The following RMDN2 variants were observed in gnomAD, a reference collection of about 807,000 sequenced individuals.
RMDN2 encodes regulator of microtubule dynamics protein 2.
Under a neutral mutation model 52.8 loss-of-function variants are expected in RMDN2, and 61 were observed. The observed-to-expected ratio is 1.16, with a 90% confidence interval of 0.94 to 1.43. RMDN2 has a LOEUF of 1.43. Ranked by LOEUF, RMDN2 falls within the 40% of genes most tolerant of loss-of-function variation. RMDN2 has a pLI of 0.00. For missense variants in RMDN2, 592 were observed against 475.3 expected (o/e 1.25, Z -2.28); for synonymous variants, 180 against 153.1 (o/e 1.18, Z -1.30).
intron 10 of RMDN2, among the ~76,000 whole-genome samples, chr2:38,065,591 T>G (rs185444373): frequency 3.3e-5 from 5 of 152,148 alleles, no homozygotes; most frequent in African/African-American, 1.2e-4. Flanking sequence ...TTTCGTGCCT[T>G]GGTTCTTCTC....
intron 1 of RMDN2, among the ~76,000 whole-genome samples, chr2:37,928,268 G>T (rs1572665693): frequency 6.6e-6 from 1 of 152,214 alleles, no homozygotes; most frequent in African/African-American, 2.4e-5. Context: ...TTCAGAAATA[G>T]ATTATGGCTG....
chr2:37,963,928 G>A (rs1455819473), intron 2 of RMDN2, among the ~76,000 whole-genome samples: 17 of 150,758 alleles, frequency 1.1e-4, no homozygotes, highest in Non-Finnish European at 8.9e-5. Context: ...CGGACGGGGC[G>A]GCGGCCAGGC....
intron 2 of RMDN2, chr2:37,951,219 T>C (rs2197561): frequency 0.27 from 411,393 of 1,538,960 alleles, 60,586 homozygotes; most frequent in East Asian, 0.64. Flanking sequence ...ATTTGACCCT[T>C]TTCTCACTCT....
At chr2:38,064,504 A>G (rs1682189570) in intron 10 of RMDN2, among the ~76,000 whole-genome samples, 1 of 152,072 alleles carries the variant, frequency 6.6e-6, no homozygotes. Context: ...AAAAAAAGAA[A>G]GAAAGAAACA....
intron 7 of RMDN2, among the ~76,000 whole-genome samples, chr2:37,993,729 A>G (rs184018474): frequency 1.5e-5 from 2 of 132,224 alleles, no homozygotes; most frequent in Admixed American, 8.3e-5. Context: ...GACTGCCACA[A>G]TATATCTGGG....
chr2:37,987,267 C>T (rs1315058719), intron 5 of RMDN2, among the ~76,000 whole-genome samples: 2 of 151,968 alleles, frequency 1.3e-5, no homozygotes, highest in Admixed American at 1.3e-4. Context: ...AAAGTATGTA[C>T]AAGATCTCTA....
At chr2:38,033,691 G>A (rs1680376339) in intron 10 of RMDN2, among the ~76,000 whole-genome samples, 2 of 152,148 alleles carry the variant, frequency 1.3e-5, no homozygotes, top group Non-Finnish European at 2.9e-5. Context: ...AAGTTGAATT[G>A]AATTTGCAAT....
At chr2:37,954,583 C>T (rs1439056705) in intron 2 of RMDN2, among the ~76,000 whole-genome samples, 5 of 152,064 alleles carry the variant, frequency 3.3e-5, no homozygotes, top group African/African-American at 1.2e-4. Context: ...CACACTGTAC[C>T]ATACTGTTTT....
intron 10 of RMDN2, chr2:38,035,829 C>T (rs1051144250): frequency 6.6e-6 from 1 of 152,080 alleles, no homozygotes; most frequent in African/African-American, 2.4e-5. Flanking sequence ...CACTTACAAG[C>T]AATAGTTCTG....
chr2:37,971,062 T>C (rs1193273481), intron 2 of RMDN2, among the ~76,000 whole-genome samples: 3 of 152,154 alleles, frequency 2.0e-5, no homozygotes, highest in East Asian at 3.9e-4. Flanking sequence ...TTTGATAAAG[T>C]CTAATTTATT....
intron 2 of RMDN2, among the ~76,000 whole-genome samples, chr2:37,970,681 GAGAT>G (rs1251508743): frequency 6.6e-6 from 1 of 152,148 alleles, no homozygotes; most frequent in African/African-American, 2.4e-5. Flanking sequence ...ATTAGAGCAA[GAGAT>G]AGAGAGCAAG....
At chr2:37,968,387 C>T (rs1004878620) in intron 2 of RMDN2, among the ~76,000 whole-genome samples, 6 of 144,790 alleles carry the variant, frequency 4.1e-5, no homozygotes, top group Admixed American at 7.2e-5. Flanking sequence ...AGCAGTGAGC[C>T]GTGATCACAC....
chr2:37,950,676 G>C, intron 2 of RMDN2: 1 of 1,368,088 alleles, frequency 7.3e-7, no homozygotes, highest in Non-Finnish European at 1.0e-6. Flanking sequence ...GCTCTCCTTT[G>C]TTTCCCATAA....
chr2:38,037,522 G>A (rs1356367492), intron 10 of RMDN2, among the ~76,000 whole-genome samples: 1 of 152,232 alleles, frequency 6.6e-6, no homozygotes, highest in African/African-American at 2.4e-5. Context: ...GGAATTTTAT[G>A]AAAGTCCCAG....
intron 1 of RMDN2, among the ~76,000 whole-genome samples, chr2:37,926,858 C>G (rs938046157): frequency 1.3e-5 from 2 of 152,094 alleles, no homozygotes; most frequent in East Asian, 3.9e-4. Flanking sequence ...ATGACTTGAG[C>G]CCAAGTGGTC....
chr2:38,063,334 A>C (rs1037733440), intron 10 of RMDN2, among the ~76,000 whole-genome samples: 1 of 152,100 alleles, frequency 6.6e-6, no homozygotes, highest in Non-Finnish European at 1.5e-5. Context: ...ATGGTATCTC[A>C]TTGTGGTTTT....
At chr2:38,020,106 A>G (rs183402333), downstream of RMDN2, among the ~76,000 whole-genome samples, 3 of 152,302 alleles carry the variant, frequency 2.0e-5, no homozygotes, top group East Asian at 5.8e-4. Context: ...TTCATGGAAG[A>G]CAATTTTTCC....
downstream of RMDN2, among the ~76,000 whole-genome samples, chr2:38,017,895 G>A (rs1371263332): frequency 2.6e-5 from 4 of 152,152 alleles, no homozygotes; most frequent in African/African-American, 4.8e-5. Flanking sequence ...ATTTGGGTAG[G>A]TAGTGGAAGA....
At chr2:37,990,540 AAAAG>A (rs1424737835) in intron 6 of RMDN2, among the ~76,000 whole-genome samples, 2 of 150,558 alleles carry the variant, frequency 1.3e-5, no homozygotes, top group East Asian at 3.9e-4. Flanking sequence ...AAAAAAAAAA[AAAAG>A]GCCTTTTGGT....
Sources: gnomAD v4.1 joint callset for allele counts (sites outside exome capture counted in the v4.1 genomes callset) on GRCh38, gnomAD v4.1.1 for gene constraint, MANE v1.5 for transcripts, NCBI Gene and HGNC (gene_info 2026-07-23, HGNC 2026-07-21) for gene names.